The following NTN1 variants were observed in gnomAD, a reference collection of about 807,000 sequenced individuals.
NTN1 encodes netrin 1, also known as netrin-1.
In NTN1, 11 loss-of-function variants were observed where a neutral mutation model predicts 54.2. That is an observed-to-expected ratio of 0.20 (90% CI 0.13 to 0.34). The LOEUF (loss-of-function observed/expected upper bound fraction) is 0.34. NTN1 is among the 10% of genes least tolerant of loss of function. The pLI is 1.00. For missense variants in NTN1, 740 were observed against 893.1 expected (o/e 0.83, Z 2.18); for synonymous variants, 371 against 382.0 (o/e 0.97, Z 0.33).
At chr17:9,020,446 C>G (rs1264966683), upstream of NTN1, among the ~76,000 whole-genome samples, 1 of 152,230 alleles carries the variant, frequency 6.6e-6, no homozygotes, top group Non-Finnish European at 1.5e-5. Context: ...GGTGGCCCCG[C>G]AGATGCCCCA....
chr17:9,005,227 G>C, the NTN1 span, among the ~76,000 whole-genome samples: 21 of 152,226 alleles, frequency 1.4e-4, no homozygotes, highest in African/African-American at 3.9e-4. Flanking sequence ...ATATCCAGCT[G>C]TCCTTGAAAT....
chr17:9,084,560 C>T (rs1340798507), intron 2 of NTN1, among the ~76,000 whole-genome samples: 27 of 152,072 alleles, frequency 1.8e-4, no homozygotes, highest in Admixed American at 1.8e-3. Flanking sequence ...TTCCCTGCTC[C>T]ACTCCAGAGC....
intron 5 of NTN1, among the ~76,000 whole-genome samples, chr17:9,192,398 C>T (rs897232170): frequency 5.9e-5 from 9 of 152,106 alleles, no homozygotes; most frequent in African/African-American, 2.2e-4. Context: ...ACACATTACA[C>T]CTGAAGAATT....
At chr17:9,023,909 A>C (rs762650660) in intron 2 of NTN1, among the ~76,000 whole-genome samples, 10 of 152,156 alleles carry the variant, frequency 6.6e-5, no homozygotes, top group Non-Finnish European at 1.3e-4. Flanking sequence ...CCTGCCCTCC[A>C]TTTGTCTTTT....
intron 5 of NTN1, among the ~76,000 whole-genome samples, chr17:9,204,245 T>TTTCTCTCTCTCTCTCTCTCTCC (rs1904900350): frequency 6.8e-6 from 1 of 147,218 alleles, no homozygotes; most frequent in Non-Finnish European, 1.5e-5. Flanking sequence ...TCTTCCTCTG[T>TTTCTCTCTCTCTCTCTCTCTCC]TTCTCTCTCT....
At chr17:9,184,639 T>G (rs1411999966) in intron 5 of NTN1, among the ~76,000 whole-genome samples, 1 of 152,212 alleles carries the variant, frequency 6.6e-6, no homozygotes, top group African/African-American at 2.4e-5. Context: ...CAGACCTCAA[T>G]GATCTATCTC....
upstream of NTN1, among the ~76,000 whole-genome samples, chr17:9,016,681 T>TCC (rs2091832700): frequency 6.6e-6 from 1 of 152,166 alleles, no homozygotes. Context: ...TCCTCTTCCA[T>TCC]CCTGTCCTGT....
At chr17:9,075,126 C>T (rs1481633422) in intron 2 of NTN1, among the ~76,000 whole-genome samples, 1 of 152,138 alleles carries the variant, frequency 6.6e-6, no homozygotes, top group Admixed American at 6.5e-5. Flanking sequence ...ATCCCAGGCC[C>T]ACCACTTAGA....
At chr17:9,034,103 C>A (rs2091896018) in intron 2 of NTN1, among the ~76,000 whole-genome samples, 1 of 152,112 alleles carries the variant, frequency 6.6e-6, no homozygotes, top group Admixed American at 6.6e-5. Flanking sequence ...TCCAGTTCCA[C>A]CAGGAGTGTG....
intron 2 of NTN1, among the ~76,000 whole-genome samples, chr17:9,094,344 T>C (rs2092123095): frequency 6.6e-6 from 1 of 152,132 alleles, no homozygotes. Context: ...GCTAAACCTC[T>C]GTGTGTCTGT....
chr17:9,225,832 G>C (rs1469371552), intron 6 of NTN1, among the ~76,000 whole-genome samples: 1 of 152,230 alleles, frequency 6.6e-6, no homozygotes, highest in Non-Finnish European at 1.5e-5. Flanking sequence ...AGGGCACTTG[G>C]ATGTTCCAGA....
intron 5 of NTN1, among the ~76,000 whole-genome samples, chr17:9,190,620 G>A (rs1242111090): frequency 6.6e-6 from 1 of 152,208 alleles, no homozygotes; most frequent in Non-Finnish European, 1.5e-5. Flanking sequence ...GGGAGGCCGA[G>A]GTAGGCAGAT....
At chr17:9,179,594 G>T (rs1009113174) in intron 3 of NTN1, among the ~76,000 whole-genome samples, 1 of 152,124 alleles carries the variant, frequency 6.6e-6, no homozygotes, top group Admixed American at 6.5e-5. Flanking sequence ...TCTTCAGGTC[G>T]GTCCATTTTG....
the NTN1 span, among the ~76,000 whole-genome samples, chr17:9,011,954 C>T: frequency 6.6e-6 from 1 of 152,052 alleles, no homozygotes; most frequent in Admixed American, 6.6e-5. Flanking sequence ...ATTCTGTGGT[C>T]TTTAGTCAAT....
At chr17:9,158,662 C>A (rs2092349953) in intron 2 of NTN1, among the ~76,000 whole-genome samples, 1 of 152,152 alleles carries the variant, frequency 6.6e-6, no homozygotes, top group South Asian at 2.1e-4. Flanking sequence ...TGGTCCTGGG[C>A]TGGTTGGTCA....
the NTN1 span, among the ~76,000 whole-genome samples, chr17:9,012,974 G>A: frequency 9.9e-5 from 15 of 152,056 alleles, no homozygotes; most frequent in Non-Finnish European, 2.1e-4. Flanking sequence ...GGGTGGGATG[G>A]CTCTTTAAAG....
At chr17:9,166,078 G>C (rs545252869) in intron 3 of NTN1, among the ~76,000 whole-genome samples, 1 of 152,080 alleles carries the variant, frequency 6.6e-6, no homozygotes, top group Admixed American at 6.6e-5. Context: ...ACCATCGTTA[G>C]GAGAAGTTCA....
rs146438218 is a variant in NTN1, at chr17:9,228,454, C to T, written c.1486+7212C>T. ...AAGCCACTCTGACCCCTCCAGCTCACGTGGACACGCGGGGGCTCCCATCCA... is the reference window on the plus strand; with the variant it reads ...AAGCCACTCTGACCCCTCCAGCTCATGTGGACACGCGGGGGCTCCCATCCA... On this transcript the variant is annotated intron_variant, in intron 6 of 6. Transcript: ENST00000173229. 3.9e-5 allele frequency among the ~76,000 whole-genome samples: 6 copies of T among 152,276 alleles called. 1 individual carries two copies. Among genetic ancestry groups the T allele is most frequent in the South Asian group, 4.2e-4 (2 of 4,818 alleles).
the NTN1 span, among the ~76,000 whole-genome samples, chr17:9,005,075 C>T: frequency 1.3e-5 from 2 of 152,138 alleles, no homozygotes; most frequent in African/African-American, 2.4e-5. Context: ...TCCCAGGCAC[C>T]GCTCCCACCA....
Sources: allele counts gnomAD v4.1 joint callset (sites outside exome capture counted in the v4.1 genomes callset), GRCh38; gene constraint gnomAD v4.1.1; transcripts MANE v1.5; gene names NCBI Gene and HGNC (gene_info 2026-07-23, HGNC 2026-07-21).